PBXIP1: variants seen among roughly 807,000 people sequenced by gnomAD.
PBXIP1 encodes PBX homeobox interacting protein 1.
A neutral mutation model predicts 73.7 loss-of-function variants in PBXIP1; 73 were observed. That is an observed-to-expected ratio of 0.99 (90% CI 0.82 to 1.20). The LOEUF (loss-of-function observed/expected upper bound fraction) is 1.20, where lower values mean the gene tolerates loss of function less well. Among genes scored for constraint, PBXIP1 ranks in the 50% most tolerant of loss-of-function variants. The pLI is 0.00. For synonymous variants in PBXIP1, 330 were observed against 366.9 expected, an observed-to-expected ratio of 0.90 and a Z score of 1.15; for missense variants, 818 against 911.4, an observed-to-expected ratio of 0.90 and a Z score of 1.32.
chr1:154,951,955 CCAAG>C lies in PBXIP1; in HGVS notation c.52-38_52-35del, dbSNP rs2101988342. ...AGAAGTGCAAGGAGAAGGGCTGCAC[CCAAG>C]AATGGGGCCCCAGCCCACATCCCAG... On this transcript the variant is annotated intron_variant, in intron 2 of 10. Transcript: ENST00000368463. This position sits in a 1 kb window ranked among gnomAD's most constrained non-coding sequence, Gnocchi z 4.3. 1 of 1,579,570 alleles carries C rather than the reference CCAAG, an allele frequency of 6.3e-7. No homozygotes were observed. The highest frequency in any genetic ancestry group is 2.2e-5 in the East Asian group (1 of 44,578).
intron 1 of PBXIP1, among the ~76,000 whole-genome samples, chr1:154,955,699 C>A (rs557513098): frequency 1.9e-3 from 295 of 152,286 alleles, no homozygotes; most frequent in Non-Finnish European, 2.6e-3. Flanking sequence ...CCCTCCACCC[C>A]CTTCTTTTCA....
chr1:154,955,881 G>A (rs1470266283), intron 1 of PBXIP1, among the ~76,000 whole-genome samples, 188 bp downstream of exon 1: 1 of 152,196 alleles, frequency 6.6e-6, no homozygotes, highest in Non-Finnish European at 1.5e-5. Context: ...TAAAGCAAAG[G>A]ATCTAGGGCC....
At chr1:154,947,843 G>C in intron 7 of PBXIP1, 131 bp from the exon 8 acceptor site, 4 of 1,342,118 alleles carry the variant, frequency 3.0e-6, no homozygotes, top group Non-Finnish European at 4.2e-6. Flanking sequence ...GTGAGATAAA[G>C]GGCCAAGGGG....
chr1:154,947,373 C>T (rs757993198), intron 9 of PBXIP1, 44 bp downstream of exon 9: 8 of 1,609,904 alleles, frequency 5.0e-6, no homozygotes, highest in Non-Finnish European at 6.8e-6. Context: ...AGACGCCTGG[C>T]CTAGGTGGGT....
chr1:154,951,328 G>C lies in PBXIP1; in HGVS notation c.313C>G (p.Leu105Val). 2 of 1,614,108 alleles carry C rather than the reference G, an allele frequency of 1.2e-6. No individual in the cohort carries two copies. Among genetic ancestry groups the C allele is most frequent in the Non-Finnish European group, 1.7e-6 (2 of 1,179,956 alleles). The stretch of plus-strand genomic sequence containing the variant: ...CCTGTCACCACGGTGGTCTCCTGCA[G>C]GTCTCCCTGGACTACTGTGTCTCCT... Reference protein sequence around the residue: ...GPGDTVVQGDLQETTVVTGLG... With the variant: ...GPGDTVVQGDVQETTVVTGLG... Residue 105 changes from leucine to valine, a missense_variant, in exon 5 of 11, where the codon CTG (leucine) becomes GTG (valine). Transcript: ENST00000368463. The surrounding 1 kb of genome is among the most constrained non-coding windows in gnomAD (Gnocchi z 4.3).
At chr1:154,954,374 C>A (rs1401801040) in intron 1 of PBXIP1, among the ~76,000 whole-genome samples, 2 of 152,090 alleles carry the variant, frequency 1.3e-5, no homozygotes, top group Non-Finnish European at 2.9e-5. Flanking sequence ...GGGGGTAGGC[C>A]CGGCTGTGGG....
At position 154,944,843 on chromosome 1, in the gene PBXIP1, T is replaced by C; in HGVS notation, c.*181A>G. The C allele has an allele frequency of 1.8e-6, 1 of 567,320 alleles. No homozygotes were observed. Among genetic ancestry groups the C allele is most frequent in the African/African-American group, 1.9e-5 (1 of 53,082 alleles). 35.1% of individuals were successfully genotyped at this position (567,320 alleles called of 1,614,324 possible). ...GCATTTGCATAGACGGCAACGCAGG[T>C]CCAGCTAAGGCCTTTTTCTACATAA... On this transcript the variant is annotated 3_prime_UTR_variant, in exon 11 of 11. Transcript: ENST00000368463.
chr1:154,945,711 G>A lies in PBXIP1; in HGVS notation c.1963C>T (p.Arg655Cys), dbSNP rs144269609. 484 of 1,614,114 alleles carry A rather than the reference G, an allele frequency of 3.0e-4. No homozygotes were observed. The highest frequency in any genetic ancestry group is 3.7e-4 in the Non-Finnish European group (434 of 1,180,052). ...EDGIFRHDRL[R>C]FRDFVDALED... ...AGGGCATCCACAAAATCCCGGAAGC[G>A]GAGGCGGTCATGACGGAAGATGCCA... The change falls in exon 10 of 11, where the codon CGC becomes TGC. Residue 655 changes from arginine (R) to cysteine (C), a missense_variant. Physicochemically the swap from Arg to Cys is radical, Grantham distance 180. Transcript: ENST00000368463.
rs1038108836 is a variant in PBXIP1, at chr1:154,951,313, C to T, written c.328G>A (p.Val110Met). 3.1e-6 allele frequency: 5 copies of T among 1,614,106 alleles called. No homozygotes were observed. Among genetic ancestry groups the T allele is most frequent in the Admixed American group, 1.7e-5 (1 of 60,030 alleles). ...VVQGDLQETTVVTGLGPDTQD... is the reference protein window; with the variant it reads ...VVQGDLQETTMVTGLGPDTQD... The stretch of plus-strand genomic sequence containing the variant: ...GTGTCTGGTCCCAGGCCTGTCACCA[C>T]GGTGGTCTCCTGCAGGTCTCCCTGG... The change falls in exon 5 of 11, where the codon GTG (valine) becomes ATG (methionine). Residue 110 changes from valine to methionine, a missense_variant. Transcript: ENST00000368463. The surrounding 1 kb of genome is among the most constrained non-coding windows in gnomAD (Gnocchi z 4.3).
In PBXIP1 at chr1:154,952,399, G is replaced by A. The variant is rs568383198; in HGVS notation, c.52-478C>T. 5.3e-5 allele frequency among the ~76,000 whole-genome samples: 8 copies of A among 151,940 alleles called. No individual in the cohort carries two copies. The East Asian group carries it at 1.2e-3, about 22-fold the overall frequency. On this transcript the variant is annotated intron_variant, in intron 2 of 10. Transcript: ENST00000368463. ...TTTCTGGCCTTTCCCGCTGGCCCCTGACACTCCCCCGACACCCGTCTCCCA... is the reference window on the plus strand; with the variant it reads ...TTTCTGGCCTTTCCCGCTGGCCCCTAACACTCCCCCGACACCCGTCTCCCA...
intron 5 of PBXIP1, among the ~76,000 whole-genome samples, chr1:154,949,649 C>T (rs1654946076): frequency 6.6e-6 from 1 of 152,178 alleles, no homozygotes; most frequent in Non-Finnish European, 1.5e-5. Flanking sequence ...CTGGCATGTT[C>T]TTTAAATCCT....
intron 5 of PBXIP1, among the ~76,000 whole-genome samples, chr1:154,949,955 G>A (rs1175070122): frequency 1.3e-5 from 2 of 152,082 alleles, no homozygotes; most frequent in Admixed American, 6.5e-5. Context: ...GATTACAGGT[G>A]TGAGCCACCA....
At chr1:154,952,812 C>T (rs1655051473) in intron 2 of PBXIP1, among the ~76,000 whole-genome samples, 1 of 152,098 alleles carries the variant, frequency 6.6e-6, no homozygotes, top group South Asian at 2.1e-4. Context: ...ACCTGCCTTC[C>T]CTCTGCCAGT....
intron 10 of PBXIP1, 96 bp from the exon 11 acceptor site, chr1:154,945,213 T>C: frequency 1.1e-6 from 1 of 904,018 alleles, no homozygotes; most frequent in South Asian, 1.5e-5. Flanking sequence ...GAAGCTGACT[T>C]GAGCAGGCAC....
In PBXIP1 at chr1:154,945,125, G is replaced by A. The variant is rs757393835; in HGVS notation, c.2103-8C>T. On this transcript the variant is annotated splice_region_variant and splice_polypyrimidine_tract_variant and intron_variant, in intron 10 of 10. Coordinates refer to ENST00000368463, the MANE Select transcript of PBXIP1 (RefSeq NM_020524.4). ...TTGTCCTTCTTCCCTGACCTGTGGG[G>A]AGGAAGAGGCCTTTAGGGGACAATA... 1.2e-5 allele frequency: 19 copies of A among 1,608,234 alleles called. No homozygotes were observed. In the African/African-American group the frequency reaches 2.5e-4, roughly 21 times the overall value.
rs915627261 is a variant in PBXIP1 at position 154,945,967 on chromosome 1, G to T, written c.1707C>A (p.Asp569Glu). ...ACAGCTCTGCCCAGGATGGCAGGGG[G>T]TCATGGCTGTCCTTAGTCCCTTCCC... The part of the protein sequence containing the change: ...RWREGTKDSH[D>E]PLPSWAELLR... The change falls in exon 10 of 11, where the codon GAC becomes GAA. Residue 569 changes from aspartate (D) to glutamate (E), a missense_variant. Asp to Glu is a conservative substitution (Grantham distance 45). Transcript: ENST00000368463. 1 of 1,614,036 alleles carries T rather than the reference G, an allele frequency of 6.2e-7. No homozygotes were observed. The highest frequency in any genetic ancestry group is 8.5e-7 in the Non-Finnish European group (1 of 1,179,906).
chr1:154,948,615 T>C (rs1213872820), intron 5 of PBXIP1, among the ~76,000 whole-genome samples: 1 of 152,056 alleles, frequency 6.6e-6, no homozygotes, highest in Non-Finnish European at 1.5e-5. Flanking sequence ...CCTGAAAGCA[T>C]CCTCCTTCCT....
chr1:154,952,052 C>T lies in PBXIP1; in HGVS notation c.52-131G>A, dbSNP rs1304233197. 3 of 933,070 alleles carry T rather than the reference C, an allele frequency of 3.2e-6. No homozygotes were observed. The Admixed American group carries it at 8.9e-5, about 28-fold the overall frequency. 57.8% of individuals were successfully genotyped at this position (933,070 alleles called of 1,614,324 possible). Reference sequence around the variant, plus strand: ...GGGGCAGCACCAAGTGCTCGGCATTCCCCAGCCTCACTCACTGCGAGGAGG... The same window carrying T: ...GGGGCAGCACCAAGTGCTCGGCATTTCCCAGCCTCACTCACTGCGAGGAGG... On this transcript the variant is annotated intron_variant, in intron 2 of 10. Coordinates refer to ENST00000368463, the MANE Select transcript of PBXIP1 (RefSeq NM_020524.4).
In PBXIP1 at chr1:154,948,333, C is replaced by T; in HGVS notation, c.443G>A (p.Ser148Asn). 6.2e-7 allele frequency: 1 copy of T among 1,606,882 alleles called. No homozygotes were observed. Among genetic ancestry groups the T allele is most frequent in the Non-Finnish European group, 8.5e-7 (1 of 1,176,912 alleles). Reference protein sequence around the residue: ...WIREEGRCSSSDDDTDVDMEG... With the variant: ...WIREEGRCSSNDDDTDVDMEG... The stretch of plus-strand genomic sequence containing the variant: ...CATGTCCACGTCGGTGTCATCGTCA[C>T]TGCTGGAGCAGCGGCCCTCCTCCCT... Residue 148 changes from serine (S) to asparagine (N), a missense_variant, in exon 6 of 11, where the codon AGT becomes AAT. Physicochemically the swap from Ser to Asn is conservative, Grantham distance 46 (BLOSUM62 1). Coordinates refer to ENST00000368463, the MANE Select transcript of PBXIP1 (RefSeq NM_020524.4).
Sources: allele counts gnomAD v4.1 joint callset (sites outside exome capture counted in the v4.1 genomes callset), GRCh38; gene constraint gnomAD v4.1.1; non-coding constraint Gnocchi (gnomAD v3.1); transcripts MANE v1.5; gene names NCBI Gene and HGNC (gene_info 2026-07-23, HGNC 2026-07-21).